The following LOXL2 variants were observed in gnomAD, a reference collection of about 807,000 sequenced individuals.
LOXL2 encodes lysyl oxidase homolog 2.
Under a neutral mutation model 93.0 loss-of-function variants are expected in LOXL2, and 70 were observed. The ratio of observed to expected loss-of-function variants is 0.75; its 90% CI spans 0.62 to 0.92. The LOEUF (loss-of-function observed/expected upper bound fraction) is 0.92, where lower values mean the gene tolerates loss of function less well. LOXL2 is among the 40% of genes least tolerant of loss of function. The pLI is 0.00. For synonymous variants in LOXL2, 438 were observed against 413.2 expected (o/e 1.06, Z -0.73); for missense variants, 973 against 1,054.9 (o/e 0.92, Z 1.08).
chr8:23,315,908 A>G (rs888705687), intron 9 of LOXL2, among the ~76,000 whole-genome samples: 1 of 151,938 alleles, frequency 6.6e-6, no homozygotes, highest in Non-Finnish European at 1.5e-5. Flanking sequence ...ATAAATTGAT[A>G]AATAAAGAAA....
At chr8:23,401,504 A>C (rs922334681) in intron 1 of LOXL2, among the ~76,000 whole-genome samples, 2 of 152,214 alleles carry the variant, frequency 1.3e-5, no homozygotes, top group African/African-American at 4.8e-5. Flanking sequence ...GATTTGCTTT[A>C]AACTACTTCA....
At position 23,297,230 on chromosome 8, in the gene LOXL2, T is replaced by G. The variant is rs1018392341; in HGVS notation, c.*813A>C. The G allele has an allele frequency of 1.3e-5, 2 of 152,198 alleles. No individual in the cohort carries two copies. The highest frequency in any genetic ancestry group is 4.8e-5 in the African/African-American group (2 of 41,426). The allele number at this position is 152,198 out of a possible 1,614,324, so 9.4% of individuals were successfully genotyped here. A position where few individuals can be genotyped will look rare whatever the true frequency, so the allele number is the denominator to read the frequency against. ...AGTTTCAAGTATGTGTAAGTGTCTG[T>G]GATGACACATGGTGCTCAGTGAGCG... On this transcript the variant is annotated 3_prime_UTR_variant, in exon 14 of 14. Transcript: ENST00000389131.
At chr8:23,399,515 A>G (rs542128726) in intron 1 of LOXL2, among the ~76,000 whole-genome samples, 3 of 152,260 alleles carry the variant, frequency 2.0e-5, no homozygotes, top group African/African-American at 7.2e-5. Context: ...ACAAGAGGAA[A>G]AGAGACTTGA....
chr8:23,397,708 G>A (rs574699650), intron 1 of LOXL2, among the ~76,000 whole-genome samples: 1 of 151,552 alleles, frequency 6.6e-6, no homozygotes, highest in African/African-American at 2.4e-5. Context: ...AACTTGGGAG[G>A]CGGAGCTTGC....
At chr8:23,387,537 T>A (rs1804783076) in intron 1 of LOXL2, among the ~76,000 whole-genome samples, 1 of 152,232 alleles carries the variant, frequency 6.6e-6, no homozygotes, top group Admixed American at 6.5e-5. Flanking sequence ...AGCGGCTTAG[T>A]CATGCAGAAT....
chr8:23,377,590 C>G (rs1182759944), intron 1 of LOXL2, among the ~76,000 whole-genome samples: 2 of 152,028 alleles, frequency 1.3e-5, no homozygotes, highest in African/African-American at 4.8e-5. Context: ...CTTTGTAGAT[C>G]TTTAAGGACT....
chr8:23,338,419 G>C (rs898330195), intron 4 of LOXL2, among the ~76,000 whole-genome samples: 1 of 151,988 alleles, frequency 6.6e-6, no homozygotes, highest in African/African-American at 2.4e-5. Flanking sequence ...CAGCAGCGGG[G>C]TGGGGGGGCC....
intron 1 of LOXL2, chr8:23,371,107 T>G (rs1298952301): frequency 6.6e-6 from 1 of 152,148 alleles, no homozygotes; most frequent in African/African-American, 2.4e-5. Flanking sequence ...GACTAACAGC[T>G]GGTCCCCTCA....
intron 1 of LOXL2, among the ~76,000 whole-genome samples, chr8:23,378,953 C>A (rs1206581816): frequency 6.6e-6 from 1 of 152,232 alleles, no homozygotes; most frequent in African/African-American, 2.4e-5. Flanking sequence ...CATTCTCTGT[C>A]CAGCTTTGTT....
intron 1 of LOXL2, among the ~76,000 whole-genome samples, chr8:23,381,647 C>A (rs1804682188): frequency 6.6e-6 from 1 of 152,220 alleles, no homozygotes; most frequent in Admixed American, 6.5e-5. Context: ...CTGCCTTATA[C>A]CCCTTTTTCT....
chr8:23,343,019 G>A (rs1803909238), intron 3 of LOXL2, among the ~76,000 whole-genome samples: 1 of 152,190 alleles, frequency 6.6e-6, no homozygotes, highest in Non-Finnish European at 1.5e-5. Flanking sequence ...CCAAAGTGCT[G>A]GAATTACAGG....
At position 23,341,154 on chromosome 8, in the gene LOXL2, G is replaced by A; in HGVS notation, c.581C>T (p.Thr194Ile). 3.7e-6 allele frequency: 6 copies of A among 1,613,860 alleles called. No individual in the cohort carries two copies. Among genetic ancestry groups the A allele is most frequent in the Non-Finnish European group, 5.1e-6 (6 of 1,180,048 alleles). The part of the protein sequence containing the change: ...EDIRIRAILS[T>I]YRKRTPVMEG... Reference sequence around the variant, plus strand: ...CATCACTGGGGTGCGCTTGCGGTAGGTTGAGAGGATGGCTCGAATCCGAAT... The same window carrying A: ...CATCACTGGGGTGCGCTTGCGGTAGATTGAGAGGATGGCTCGAATCCGAAT... Residue 194 changes from threonine (T) to isoleucine (I), a missense_variant, in exon 4 of 14, where the codon ACC becomes ATC. Thr to Ile is a moderately conservative substitution (Grantham distance 89, BLOSUM62 -1). Coordinates refer to ENST00000389131, the MANE Select transcript of LOXL2 (RefSeq NM_002318.3).
chr8:23,313,139 C>G (rs970085209), intron 9 of LOXL2, among the ~76,000 whole-genome samples: 2 of 151,972 alleles, frequency 1.3e-5, no homozygotes, highest in African/African-American at 2.4e-5. Flanking sequence ...CACTGCTCAA[C>G]AAAATAAAAG....
Position 23,315,028 on chromosome 8 carries a change from C to T in LOXL2, c.1636+1921G>A, listed in dbSNP as rs550765967. 1.2e-4 allele frequency among the ~76,000 whole-genome samples: 18 copies of T among 152,104 alleles called. No homozygotes were observed. The South Asian group carries it at 1.5e-3, about 12-fold the overall frequency. ...CTGGTCACGGAAGTGCAGTGGGACC[C>T]TTGGGTGGGATTTAAGTGGGACGTG... On this transcript the variant is annotated intron_variant, in intron 9 of 13. Transcript: ENST00000389131.
intron 10 of LOXL2, among the ~76,000 whole-genome samples, chr8:23,308,272 G>A (rs1171874491): frequency 6.6e-6 from 1 of 152,148 alleles, no homozygotes; most frequent in African/African-American, 2.4e-5. Context: ...GTGTGCACAC[G>A]GTCACCTGAG....
rs1196630784 is a variant in LOXL2, at chr8:23,297,140, C to T, written c.*903G>A. Reference sequence around the variant, plus strand: ...CACTGAACATAGGAAGCCTGCTGCTCAGGGCCCAGGTGCTGTGGGTCAAAG... The same window carrying T: ...CACTGAACATAGGAAGCCTGCTGCTTAGGGCCCAGGTGCTGTGGGTCAAAG... On this transcript the variant is annotated 3_prime_UTR_variant, in exon 14 of 14. Coordinates refer to ENST00000389131, the MANE Select transcript of LOXL2 (RefSeq NM_002318.3). 3 of 152,182 alleles carry T rather than the reference C, an allele frequency of 2.0e-5. No individual in the cohort carries two copies. The allele number at this position is 152,182 out of a possible 1,614,324, so 9.4% of individuals were successfully genotyped here. A position where few individuals can be genotyped will look rare whatever the true frequency, so the allele number is the denominator to read the frequency against.
chr8:23,362,816 G>C (rs7815099), intron 2 of LOXL2, among the ~76,000 whole-genome samples: 30,094 of 152,122 alleles, frequency 0.2, 3,144 homozygotes, highest in Admixed American at 0.27. Context: ...TAAAGTGCTA[G>C]AGGATTTTCA....
chr8:23,344,385 T>C (rs1278580817), intron 3 of LOXL2, among the ~76,000 whole-genome samples: 1 of 151,642 alleles, frequency 6.6e-6, no homozygotes, highest in Non-Finnish European at 1.5e-5. Context: ...TGATGGTCTG[T>C]GTGTGTGTGG....
intron 3 of LOXL2, among the ~76,000 whole-genome samples, chr8:23,346,210 A>T (rs1029816884): frequency 6.9e-6 from 1 of 145,412 alleles, no homozygotes; most frequent in African/African-American, 2.6e-5. Context: ...TAAAATAAAT[A>T]AAATAAAATA....
Sources: allele counts gnomAD v4.1 joint callset (sites outside exome capture counted in the v4.1 genomes callset), GRCh38; gene constraint gnomAD v4.1.1; transcripts MANE v1.5; gene names NCBI Gene and HGNC (gene_info 2026-07-23, HGNC 2026-07-21).